Variants in OMD observed in about 807,000 individuals in gnomAD.
OMD encodes KSPG osteomodulin.
Under a neutral mutation model 31.2 loss-of-function variants are expected in OMD, and 19 were observed. The ratio of observed to expected loss-of-function variants is 0.61; its 90% CI spans 0.42 to 0.89. OMD has a LOEUF of 0.89. Ranked by LOEUF, OMD falls within the 40% of genes least tolerant of loss-of-function variation. The probability of loss-of-function intolerance (pLI) is 0.00; values close to 1 mark genes in which losing one functional copy is unlikely to be tolerated. For missense variants in OMD, 448 were observed against 490.8 expected, an observed-to-expected ratio of 0.91 and a Z score of 0.82; for synonymous variants, 155 against 166.4, an observed-to-expected ratio of 0.93 and a Z score of 0.53.
Position 92,415,476 on chromosome 9 carries a change from C to A in OMD, c.942G>T (p.Lys314Asn), listed in dbSNP as rs764103302. The A allele has an allele frequency of 6.5e-7, 1 of 1,546,780 alleles. No individual in the cohort carries two copies. The highest frequency in any genetic ancestry group is 2.0e-5 in the Admixed American group (1 of 50,720). The change falls in exon 3 of 3, where the codon AAG becomes AAT. Residue 314 changes from lysine to asparagine, a missense_variant and splice_region_variant. Coordinates refer to ENST00000375550, the MANE Select transcript of OMD (RefSeq NM_005014.3). ...AAGGACACATCACTGTAAGATTCAT[C>A]TCTGAAAGAAATAAATTAAAAATTA... ...HLYLQNNEIE[K>N]MNLTVMCPSI... is the part of the protein sequence containing the mutation.
intron 2 of OMD, among the ~76,000 whole-genome samples, chr9:92,416,060 A>G (rs575697284): frequency 0.023 from 2,199 of 94,148 alleles, 37 homozygotes; most frequent in East Asian, 0.068. Flanking sequence ...ATATGTGTGT[A>G]TATATATATA....
chr9:92,419,073 G>T (rs1843706213), intron 1 of OMD, among the ~76,000 whole-genome samples: 1 of 152,090 alleles, frequency 6.6e-6, no homozygotes, highest in Admixed American at 6.6e-5. Context: ...GCAGGAGGAG[G>T]ATATTGTGTG....
rs1843473262 is a variant in OMD at position 92,412,536 on chromosome 9, T to C, written c.*2616A>G. ...TTTCCCCATTCCCATGATCCCCAGCTCTAGGCAACCAATAGTCTTTGTCTC... is the reference window on the plus strand; with the variant it reads ...TTTCCCCATTCCCATGATCCCCAGCCCTAGGCAACCAATAGTCTTTGTCTC... On this transcript the variant is annotated 3_prime_UTR_variant, in exon 3 of 3. Transcript: ENST00000375550. Among the ~76,000 whole-genome samples, 1 of 152,208 alleles carries C rather than the reference T, an allele frequency of 6.6e-6. No homozygotes were observed. Among genetic ancestry groups the C allele is most frequent in the African/African-American group, 2.4e-5 (1 of 41,456 alleles).
At chr9:92,419,903 CTTAAG>C (rs1843734098) in intron 1 of OMD, among the ~76,000 whole-genome samples, 1 of 152,106 alleles carries the variant, frequency 6.6e-6, no homozygotes. Context: ...AGAATAGTTA[CTTAAG>C]TTATTTTCTT....
In OMD at chr9:92,414,989, C is replaced by T; in HGVS notation, c.*163G>A. The T allele has an allele frequency of 2.0e-6, 1 of 490,782 alleles. No homozygotes were observed. The highest frequency in any genetic ancestry group is 3.5e-6 in the Non-Finnish European group (1 of 284,560). The allele number at this position is 490,782 out of a possible 1,614,324, so 30.4% of individuals were successfully genotyped here. A position where few individuals can be genotyped will look rare whatever the true frequency, so the allele number is the denominator to read the frequency against. On this transcript the variant is annotated 3_prime_UTR_variant, in exon 3 of 3. Transcript: ENST00000375550. ...ACATTATTTTGAGTAAGTTCTAATC[C>T]TATGAAATGATGCAGATGTCACCAA...
rs546154385 is a variant in OMD, at chr9:92,416,509, A to G, written c.940+110T>C. On this transcript the variant is annotated intron_variant, in intron 2 of 2. Transcript: ENST00000375550. ...TCTGCCATTCCCTTAAGCAACTTCA[A>G]AACAACTATTTTCAGCAATGTCTAA... 2.7e-5 allele frequency: 19 copies of G among 714,018 alleles called. No homozygotes were observed. The African/African-American group carries it at 3.4e-4, about 13-fold the overall frequency. 44.2% of individuals were successfully genotyped at this position (714,018 alleles called of 1,614,324 possible).
chr9:92,414,561 A>G lies in OMD; in HGVS notation c.*591T>C, dbSNP rs1843531742. The G allele has an allele frequency of 4.8e-6, 1 of 209,668 alleles. No individual in the cohort carries two copies. The highest frequency in any genetic ancestry group is 9.7e-6 in the Non-Finnish European group (1 of 103,236). The allele number at this position is 209,668 out of a possible 1,614,324, so 13.0% of individuals were successfully genotyped here. On this transcript the variant is annotated 3_prime_UTR_variant, in exon 3 of 3. Transcript: ENST00000375550. ...GTGAATCTGTATGCCTTGGGTCCTT[A>G]GTACCTGGATGGCCTCTTACAAATC...
rs1308833894 is a variant in OMD at position 92,424,323 on chromosome 9, G to C, written c.-138C>G. ...TCCACAGTAACTCTGTGTCCAGACA[G>C]GGCTGTCTCTTGAATTACTGTAGCA... On this transcript the variant is annotated 5_prime_UTR_variant, in exon 1 of 3. Transcript: ENST00000375550. The C allele has an allele frequency of 6.6e-6, 1 of 152,168 alleles. No homozygotes were observed. The highest frequency in any genetic ancestry group is 2.4e-5 in the African/African-American group (1 of 41,442). 9.4% of individuals were successfully genotyped at this position (152,168 alleles called of 1,614,324 possible). A position where few individuals can be genotyped will look rare whatever the true frequency, so the allele number is the denominator to read the frequency against.
intron 1 of OMD, among the ~76,000 whole-genome samples, chr9:92,418,677 A>T (rs970354854): frequency 6.6e-6 from 1 of 152,018 alleles, no homozygotes; most frequent in Non-Finnish European, 1.5e-5. Flanking sequence ...TACAACTTCT[A>T]TTTGCTGATA....
At chr9:92,422,723 C>T (rs908638572) in intron 1 of OMD, among the ~76,000 whole-genome samples, 9 of 152,150 alleles carry the variant, frequency 5.9e-5, no homozygotes, top group African/African-American at 2.2e-4. Flanking sequence ...ATCCTGTTTT[C>T]ATCTATATGC....
intron 2 of OMD, among the ~76,000 whole-genome samples, chr9:92,416,021 T>A (rs956549195): frequency 7.1e-5 from 10 of 141,234 alleles, no homozygotes; most frequent in African/African-American, 2.5e-4. Flanking sequence ...AGAGAATATA[T>A]ATTTTTTATA....
Position 92,416,728 on chromosome 9 carries a change from A to G in OMD, c.831T>C (p.Phe277=). 1.2e-6 allele frequency: 2 copies of G among 1,613,660 alleles called. No homozygotes were observed. The highest frequency in any genetic ancestry group is 1.7e-6 in the Non-Finnish European group (2 of 1,179,660). ...TGAGTTCTACAATGTTGGGAAGATT[A>G]AAAATATTATATGGGATGTCTTGTA... ...NKLQDIPYNI[F]NLPNIVELSV... is the part of the protein sequence containing the mutation. Residue 277 remains phenylalanine (F), a synonymous_variant, in exon 2 of 3, where the codon TTT becomes TTC. Transcript: ENST00000375550.
chr9:92,414,913 GT>G lies in OMD; in HGVS notation c.*238del. The G allele has an allele frequency of 3.1e-6, 1 of 320,556 alleles. No individual in the cohort carries two copies. The highest frequency in any genetic ancestry group is 5.6e-6 in the Non-Finnish European group (1 of 177,832). The allele number at this position is 320,556 out of a possible 1,614,324, so 19.9% of individuals were successfully genotyped here. On this transcript the variant is annotated 3_prime_UTR_variant, in exon 3 of 3. Coordinates refer to ENST00000375550, the MANE Select transcript of OMD (RefSeq NM_005014.3). Reference sequence around the variant, plus strand: ...AAAAAGAGCATAAGAAACCATTAACGTTTAATTTATGATTCCCACTTGTCAT... The same window carrying G: ...AAAAAGAGCATAAGAAACCATTAACGTTAATTTATGATTCCCACTTGTCAT...
At chr9:92,422,776 C>T (rs1843848829) in intron 1 of OMD, among the ~76,000 whole-genome samples, 3 of 152,176 alleles carry the variant, frequency 2.0e-5, no homozygotes, top group African/African-American at 7.2e-5. Flanking sequence ...AGGATAATTT[C>T]CCCTGTTACA....
intron 1 of OMD, among the ~76,000 whole-genome samples, chr9:92,419,862 C>G (rs1230170046): frequency 6.6e-6 from 1 of 152,076 alleles, no homozygotes; most frequent in African/African-American, 2.4e-5. Context: ...TAGAATGGTT[C>G]TAGCTATTTT....
Position 92,417,568 on chromosome 9 carries a change from T to C in OMD, c.-10A>G. 1 of 1,518,636 alleles carries C rather than the reference T, an allele frequency of 6.6e-7. No homozygotes were observed. The highest frequency in any genetic ancestry group is 1.8e-4 in the Middle Eastern group (1 of 5,714). The allele number at this position is 1,518,636 out of a possible 1,614,324, so 94.1% of individuals were successfully genotyped here. A position where few individuals can be genotyped will look rare whatever the true frequency, so the allele number is the denominator to read the frequency against. ...GACTTAAAAAACCCATCTTCTTTTT[T>C]TTTTTCCTATTGCAAGGAGAAAAGG... On this transcript the variant is annotated 5_prime_UTR_variant, in exon 2 of 3. Transcript: ENST00000375550.
At chr9:92,416,072 T>TATATATATATATATATATA (rs368634649) in intron 2 of OMD, among the ~76,000 whole-genome samples, 144 of 125,282 alleles carry the variant, frequency 1.1e-3, no homozygotes, top group Middle Eastern at 4.2e-3. Flanking sequence ...ATATATATAT[T>TATATATATATATATATATA]TATTTATTTA....
At chr9:92,423,799 C>A (rs570417751) in intron 1 of OMD, among the ~76,000 whole-genome samples, 1 of 152,200 alleles carries the variant, frequency 6.6e-6, no homozygotes, top group East Asian at 1.9e-4. Flanking sequence ...TGCCCATCAA[C>A]CCCCCAACCG....
intron 1 of OMD, among the ~76,000 whole-genome samples, chr9:92,418,372 C>T (rs1179863692): frequency 1.3e-5 from 2 of 152,050 alleles, no homozygotes; most frequent in Non-Finnish European, 2.9e-5. Context: ...CAGGCGTGAG[C>T]CACTGCGCCT....
Sources: gnomAD v4.1 joint callset for allele counts (sites outside exome capture counted in the v4.1 genomes callset) on GRCh38, gnomAD v4.1.1 for gene constraint, MANE v1.5 for transcripts, NCBI Gene and HGNC (gene_info 2026-07-23, HGNC 2026-07-21) for gene names.